Variants in EHMT1 observed in about 807,000 individuals in gnomAD.
EHMT1 encodes euchromatic histone lysine methyltransferase 1.
In EHMT1, 15 loss-of-function variants were observed where a neutral mutation model predicts 147.2. That is an observed-to-expected ratio of 0.10 (90% CI 0.07 to 0.16). EHMT1 has a LOEUF of 0.16. Ranked by LOEUF, EHMT1 falls within the 10% of genes least tolerant of loss-of-function variation. EHMT1 has a pLI of 1.00. For missense variants in EHMT1, 1,587 were observed against 1,772.4 expected, an observed-to-expected ratio of 0.90 and a Z score of 1.88; for synonymous variants, 795 against 709.6, an observed-to-expected ratio of 1.12 and a Z score of -1.91.
chr9:137,639,161 T>A (rs1413622432), intron 1 of EHMT1, among the ~76,000 whole-genome samples: 4 of 152,214 alleles, frequency 2.6e-5, no homozygotes, highest in African/African-American at 9.6e-5. Flanking sequence ...TTTTGTTGAT[T>A]TCTAATGTAA....
chr9:137,729,027 C>T (rs1465822686), intron 4 of EHMT1, among the ~76,000 whole-genome samples: 2 of 152,148 alleles, frequency 1.3e-5, no homozygotes, highest in Non-Finnish European at 2.9e-5. Flanking sequence ...GATTCCTTAC[C>T]GGGGACCTTT....
At chr9:137,673,581 C>T (rs1297147022) in intron 1 of EHMT1, among the ~76,000 whole-genome samples, 1 of 152,148 alleles carries the variant, frequency 6.6e-6, no homozygotes, top group South Asian at 2.1e-4. Flanking sequence ...CTGTGTCCCT[C>T]CCTCAGACCC....
rs1385055833 is a variant in EHMT1, at chr9:137,650,558, G to C, written c.21+31509G>C. The stretch of plus-strand genomic sequence containing the variant: ...GTATGTCTTCTTTGTAGAAATGCCT[G>C]TTTATATCCTTTGCCCATTTTAAAT... On this transcript the variant is annotated intron_variant, in intron 1 of 26. Coordinates refer to ENST00000460843, the MANE Select transcript of EHMT1 (RefSeq NM_024757.5). Among the ~76,000 whole-genome samples the C allele has an allele frequency of 2.0e-5, 3 of 151,052 alleles. No homozygotes were observed. The East Asian group carries it at 5.8e-4, about 29-fold the overall frequency.
chr9:137,811,752 C>A, intron 19 of EHMT1, 137 bp downstream of exon 19: 5 of 1,158,898 alleles, frequency 4.3e-6, no homozygotes, highest in South Asian at 1.3e-5. Context: ...GGAAGTCCAT[C>A]CTTGGTGTTC....
chr9:137,635,292 C>T (rs989843254), intron 1 of EHMT1, among the ~76,000 whole-genome samples: 22 of 151,628 alleles, frequency 1.5e-4, no homozygotes, highest in East Asian at 1.2e-3. Flanking sequence ...CTGCAACCTC[C>T]GCCTCCTGAA....
At chr9:137,805,977 T>C (rs960605487) in intron 18 of EHMT1, among the ~76,000 whole-genome samples, 10 of 151,284 alleles carry the variant, frequency 6.6e-5, no homozygotes, top group African/African-American at 2.4e-4. Flanking sequence ...TTTCTTTTTT[T>C]TTTTGGAGAC....
chr9:137,734,354 A>C (rs1383895001), intron 4 of EHMT1, among the ~76,000 whole-genome samples: 1 of 152,266 alleles, frequency 6.6e-6, no homozygotes, highest in Admixed American at 6.5e-5. Context: ...GAAATGAAAA[A>C]TTCACTAGAG....
chr9:137,813,497 C>G lies in EHMT1; in HGVS notation c.3147C>G (p.Pro1049=). Residue 1049 remains proline (P), a synonymous_variant, in exon 21 of 27, where the codon CCC becomes CCG. Transcript: ENST00000460843. This position sits in a 1 kb window ranked among gnomAD's most constrained non-coding sequence, Gnocchi z 4.9. ...KYVSQNCVTS[P]MNIDRNITHL... The stretch of plus-strand genomic sequence containing the variant: ...TCTCTCAGAACTGCGTGACGTCCCC[C>G]ATGAACATCGACAGAAATATCACTC... 6.2e-7 allele frequency: 1 copy of G among 1,614,076 alleles called. No homozygotes were observed. Among genetic ancestry groups the G allele is most frequent in the Non-Finnish European group, 8.5e-7 (1 of 1,180,030 alleles).
intron 8 of EHMT1, among the ~76,000 whole-genome samples, chr9:137,757,262 G>T (rs1485120720): frequency 6.6e-6 from 1 of 152,252 alleles, no homozygotes; most frequent in Non-Finnish European, 1.5e-5. Flanking sequence ...CCAGCCAGGG[G>T]ACACCGGTCC....
intron 14 of EHMT1, among the ~76,000 whole-genome samples, chr9:137,781,041 A>G (rs1373209543): frequency 6.9e-6 from 1 of 144,508 alleles, no homozygotes; most frequent in Non-Finnish European, 1.5e-5. Flanking sequence ...ACGTGTGGTG[A>G]TGACGCCGAG....
At chr9:137,638,932 C>CAT (rs1182359694) in intron 1 of EHMT1, among the ~76,000 whole-genome samples, 1 of 152,188 alleles carries the variant, frequency 6.6e-6, no homozygotes, top group Non-Finnish European at 1.5e-5. Flanking sequence ...ACCACAAGGC[C>CAT]TACTGACACC....
intron 6 of EHMT1, chr9:137,746,744 T>TA (rs1245937921): frequency 6.6e-6 from 1 of 152,216 alleles, no homozygotes; most frequent in Non-Finnish European, 1.5e-5. Context: ...CAGCTCCACT[T>TA]ACTGACTGAC....
Position 137,641,893 on chromosome 9 carries a change from T to C in EHMT1, c.21+22844T>C, listed in dbSNP as rs192384154. Among the ~76,000 whole-genome samples the C allele has an allele frequency of 2.3e-3, 357 of 152,074 alleles. 2 individuals are homozygous for C. Among genetic ancestry groups the C allele is most frequent in the Middle Eastern group, 3.4e-3 (1 of 294 alleles). ...AGGCTGGAGTACAGTGGCATGACCT[T>C]GGCTCATGGCAACCTCTGCCCCCAT... On this transcript the variant is annotated intron_variant, in intron 1 of 26. Transcript: ENST00000460843.
At chr9:137,667,041 G>C (rs1368586810) in intron 1 of EHMT1, 1 of 152,242 alleles carries the variant, frequency 6.6e-6, no homozygotes, top group Non-Finnish European at 1.5e-5. Flanking sequence ...CGCACAGCAT[G>C]AGGAGGACGA....
intron 1 of EHMT1, chr9:137,664,796 C>G (rs138775027): frequency 6.6e-6 from 1 of 152,316 alleles, no homozygotes; most frequent in East Asian, 1.9e-4. Flanking sequence ...AATGACCACG[C>G]TCTGTTGCCT....
rs554524788 is a variant in EHMT1 at position 137,718,502 on chromosome 9, T to G, written c.642+1320T>G. Among the ~76,000 whole-genome samples the G allele has an allele frequency of 2.2e-4, 34 of 152,342 alleles. No individual in the cohort carries two copies. In the South Asian group the frequency reaches 6.6e-3, roughly 30 times the overall value. On this transcript the variant is annotated intron_variant, in intron 3 of 26. Coordinates refer to ENST00000460843, the MANE Select transcript of EHMT1 (RefSeq NM_024757.5). ...TTTAGGGCTTCACAGCCCTGTCAAT[T>G]GGAGGATTTGTGTCTTCAGCTCCAG... is the stretch of plus-strand genomic sequence containing the variant.
At chr9:137,772,944 C>T (rs1950686992) in intron 10 of EHMT1, among the ~76,000 whole-genome samples, 1 of 152,198 alleles carries the variant, frequency 6.6e-6, no homozygotes, top group Admixed American at 6.5e-5. Flanking sequence ...TCCTTACATT[C>T]TCCTGCCGTT....
Position 137,762,779 on chromosome 9 carries a change from G to T in EHMT1, c.1606G>T (p.Ala536Ser). The change falls in exon 10 of 27, where the codon GCC (alanine) becomes TCC (serine). Residue 536 changes from alanine (A) to serine (S), a missense_variant. Coordinates refer to ENST00000460843, the MANE Select transcript of EHMT1 (RefSeq NM_024757.5). ...GAAGAGTCGAGAGATCACCACACTG[G>T]CCAACAACCAGTGCATGGCTACAGA... ...TPKSREITTL[A>S]NNQCMATESV... The T allele has an allele frequency of 6.2e-7, 1 of 1,614,220 alleles. No homozygotes were observed. Among genetic ancestry groups the T allele is most frequent in the Non-Finnish European group, 8.5e-7 (1 of 1,180,044 alleles).
At chr9:137,788,083 TG>T in intron 15 of EHMT1, 1 of 1,350,734 alleles carries the variant, frequency 7.4e-7, no homozygotes, top group Non-Finnish European at 1.0e-6. Flanking sequence ...TCCACTCTCG[TG>T]GGGCCAGGAA....
Sources: allele counts gnomAD v4.1 joint callset (sites outside exome capture counted in the v4.1 genomes callset), GRCh38; gene constraint gnomAD v4.1.1; non-coding constraint Gnocchi (gnomAD v3.1); transcripts MANE v1.5; gene names NCBI Gene and HGNC (gene_info 2026-07-23, HGNC 2026-07-21).